GLRA1: variants seen among roughly 807,000 people sequenced by gnomAD.
GLRA1 encodes the protein glycine receptor alpha 1, also known as glycine receptor subunit alpha-1.
In GLRA1, 37 loss-of-function variants were observed where a neutral mutation model predicts 48.3. The observed-to-expected ratio is 0.77, with a 90% CI of 0.59 to 1.01. GLRA1 has a LOEUF of 1.01. Ranked by LOEUF, GLRA1 falls within the 50% of genes least tolerant of loss-of-function variation. GLRA1 has a pLI of 0.00. For missense variants in GLRA1, 427 were observed against 571.0 expected (o/e 0.75, Z 2.57); for synonymous variants, 196 against 210.7 (o/e 0.93, Z 0.60).
intron 1 of GLRA1, among the ~76,000 whole-genome samples, chr5:151,917,675 C>A (rs529453629): frequency 6.6e-6 from 1 of 152,320 alleles, no homozygotes; most frequent in East Asian, 1.9e-4. Context: ...GTTTGGGAAT[C>A]TGTCTTTTTG....
At chr5:151,915,890 A>T (rs981363255) in intron 1 of GLRA1, among the ~76,000 whole-genome samples, 1 of 152,184 alleles carries the variant, frequency 6.6e-6, no homozygotes, top group Admixed American at 6.5e-5. Flanking sequence ...AGAGAAATAA[A>T]TGCCTATCTG....
intron 3 of GLRA1, among the ~76,000 whole-genome samples, chr5:151,877,619 A>T (rs1259044505): frequency 6.6e-6 from 1 of 152,178 alleles, no homozygotes; most frequent in African/African-American, 2.4e-5. Flanking sequence ...CCCATGTGTT[A>T]TGGGAGGGAC....
At chr5:151,861,129 A>G (rs534567645) in intron 3 of GLRA1, among the ~76,000 whole-genome samples, 1 of 152,198 alleles carries the variant, frequency 6.6e-6, no homozygotes, top group Admixed American at 6.5e-5. Flanking sequence ...TCTATCATTG[A>G]TGGACATTTG....
intron 1 of GLRA1, among the ~76,000 whole-genome samples, chr5:151,893,345 TTTCTTTC>T (rs1561575147): frequency 6.7e-6 from 1 of 148,942 alleles, no homozygotes; most frequent in Non-Finnish European, 1.5e-5. Context: ...TCTTTCTTTC[TTTCTTTC>T]TTTCTTTCAT....
intron 3 of GLRA1, among the ~76,000 whole-genome samples, chr5:151,872,287 G>A (rs1753504084): frequency 6.8e-6 from 1 of 146,164 alleles, no homozygotes; most frequent in Admixed American, 6.6e-5. Flanking sequence ...TATTCAAAAT[G>A]CCCAGTCAAC....
Position 151,859,838 on chromosome 5 carries a change from T to C in GLRA1, c.423A>G (p.Thr141=), listed in dbSNP as rs1425567448. ...EKGAHFHEIT[T]DNKLLRISRN... ...GGGAGATCCTTAGCAATTTGTTGTC[T>C]GTGGTGATCTCATGGAAGTGGGCCC... Residue 141 remains threonine, a synonymous_variant, in exon 4 of 9, where the codon ACA becomes ACG. Transcript: ENST00000274576. 4.3e-6 allele frequency: 7 copies of C among 1,614,114 alleles called. No individual in the cohort carries two copies. The highest frequency in any genetic ancestry group is 5.9e-6 in the Non-Finnish European group (7 of 1,179,996).
intron 1 of GLRA1, among the ~76,000 whole-genome samples, chr5:151,923,592 A>C (rs780221821): frequency 4.6e-5 from 7 of 152,226 alleles, no homozygotes; most frequent in Non-Finnish European, 1.0e-4. Context: ...CTAAAGGACT[A>C]TCTATTTCAA....
intron 3 of GLRA1, among the ~76,000 whole-genome samples, chr5:151,882,970 T>C (rs1292632007): frequency 6.6e-6 from 1 of 152,166 alleles, no homozygotes; most frequent in East Asian, 1.9e-4. Flanking sequence ...GTTGTAGTCA[T>C]TTTGTTGAAA....
rs570989326 is a variant in GLRA1, at chr5:151,865,451, G to T, written c.253-5443C>A. ...AGGTAAAGCAAGAGTGTGGCACTTT[G>T]GAAAGAATAGCAAGTGAATGAATAG... is the stretch of plus-strand genomic sequence containing the variant. On this transcript the variant is annotated intron_variant, in intron 3 of 8. Coordinates refer to ENST00000274576, the MANE Select transcript of GLRA1 (RefSeq NM_000171.4). Among the ~76,000 whole-genome samples the T allele has an allele frequency of 2.6e-5, 4 of 152,282 alleles. No individual in the cohort carries two copies. The South Asian group carries it at 8.3e-4, about 32-fold the overall frequency.
intron 3 of GLRA1, among the ~76,000 whole-genome samples, chr5:151,865,795 G>T (rs1753320755): frequency 6.6e-6 from 1 of 152,052 alleles, no homozygotes; most frequent in African/African-American, 2.4e-5. Flanking sequence ...AATGTACCTT[G>T]GTGTCCTCAG....
At chr5:151,890,108 C>T (rs1310724363) in intron 2 of GLRA1, among the ~76,000 whole-genome samples, 1 of 152,034 alleles carries the variant, frequency 6.6e-6, no homozygotes, top group Non-Finnish European at 1.5e-5. Flanking sequence ...AATAAATGAA[C>T]AAATAAATAA....
chr5:151,886,509 G>A (rs1410951191), intron 3 of GLRA1, among the ~76,000 whole-genome samples: 1 of 152,160 alleles, frequency 6.6e-6, no homozygotes. Flanking sequence ...TGCTTGCCCT[G>A]CTAGGTCTTT....
chr5:151,854,280 C>A (rs1327344903), intron 6 of GLRA1, among the ~76,000 whole-genome samples: 2 of 152,226 alleles, frequency 1.3e-5, no homozygotes, highest in East Asian at 3.8e-4. Context: ...TGTACCTTCA[C>A]TGGGCTTTCT....
chr5:151,827,853 G>C (rs969065152), intron 8 of GLRA1, among the ~76,000 whole-genome samples: 3 of 152,032 alleles, frequency 2.0e-5, no homozygotes, highest in Non-Finnish European at 4.4e-5. Flanking sequence ...CTGTCTGAAG[G>C]CTTCTTCTTT....
At chr5:151,852,903 A>G (rs1752947459) in intron 6 of GLRA1, among the ~76,000 whole-genome samples, 1 of 152,242 alleles carries the variant, frequency 6.6e-6, no homozygotes, top group Non-Finnish European at 1.5e-5. Context: ...AACATTATTC[A>G]GCCTTAAAAA....
intron 7 of GLRA1, among the ~76,000 whole-genome samples, chr5:151,831,421 A>C (rs1763422038): frequency 6.6e-6 from 1 of 152,228 alleles, no homozygotes; most frequent in African/African-American, 2.4e-5. Context: ...CGCTGCCAGC[A>C]CAGCAGTCTG....
chr5:151,857,019 A>G (rs901303959), intron 4 of GLRA1, among the ~76,000 whole-genome samples: 4 of 152,188 alleles, frequency 2.6e-5, no homozygotes, highest in Non-Finnish European at 5.9e-5. Flanking sequence ...GGTGCAGATG[A>G]GCTGGGGGCC....
intron 3 of GLRA1, among the ~76,000 whole-genome samples, chr5:151,874,281 T>C (rs1198796651): frequency 2.0e-5 from 3 of 152,196 alleles, no homozygotes; most frequent in African/African-American, 7.2e-5. Flanking sequence ...ATAAATTACT[T>C]ATTGGTTATT....
In GLRA1 at chr5:151,892,370, A is replaced by G. The variant is rs1363447309; in HGVS notation, c.125T>C (p.Leu42Pro). ...GGAGGTTCTCCCCATTAGCTTATCCAGGAAATCCGAGGGTGACATAGGCTT... is the reference window on the plus strand; with the variant it reads ...GGAGGTTCTCCCCATTAGCTTATCCGGGAAATCCGAGGGTGACATAGGCTT... ...APKPMSPSDF[L>P]DKLMGRTSGY... is the part of the protein sequence containing the mutation. The change falls in exon 2 of 9, where the codon CTG becomes CCG. Residue 42 changes from leucine (L) to proline (P), a missense_variant. This residue lies in a region of GLRA1 where 271 missense variants were observed against 434.9 expected (regional missense o/e 0.62). Transcript: ENST00000274576. The G allele has an allele frequency of 6.2e-7, 1 of 1,613,920 alleles. No individual in the cohort carries two copies. Among genetic ancestry groups the G allele is most frequent in the Non-Finnish European group, 8.5e-7 (1 of 1,179,916 alleles).
Sources: gnomAD v4.1 joint callset for allele counts (sites outside exome capture counted in the v4.1 genomes callset) on GRCh38, gnomAD v4.1.1 for gene constraint, gnomAD v4.1.1 regional missense constraint, MANE v1.5 for transcripts, NCBI Gene and HGNC (gene_info 2026-07-23, HGNC 2026-07-21) for gene names.